Variants in AIG1 observed in about 807,000 individuals in gnomAD.
AIG1 encodes androgen-induced gene 1 protein.
A neutral mutation model predicts 31.4 loss-of-function variants in AIG1; 23 were observed. The ratio of observed to expected loss-of-function variants is 0.73; its 90% confidence interval spans 0.53 to 1.04. The LOEUF (loss-of-function observed/expected upper bound fraction) is 1.04, where lower values mean the gene tolerates loss of function less well. Among genes scored for constraint, AIG1 ranks in the 50% least tolerant of loss-of-function variants. The pLI, the probability that AIG1 is intolerant of heterozygous loss-of-function variation, is 0.00. For synonymous variants in AIG1, 100 were observed against 110.5 expected, an observed-to-expected ratio of 0.90 and a Z score of 0.60; for missense variants, 274 against 295.0, an observed-to-expected ratio of 0.93 and a Z score of 0.52.
At chr6:143,206,246 A>C (rs1486731389) in intron 3 of AIG1, among the ~76,000 whole-genome samples, 1 of 152,228 alleles carries the variant, frequency 6.6e-6, no homozygotes, top group Non-Finnish European at 1.5e-5. Context: ...GTGTTGATGT[A>C]ATTCTGGCAT....
At chr6:143,153,993 A>G (rs1011346711) in intron 2 of AIG1, among the ~76,000 whole-genome samples, 3 of 151,588 alleles carry the variant, frequency 2.0e-5, no homozygotes, top group African/African-American at 7.3e-5. Context: ...GTTCATGCCT[A>G]TAATCCCAGC....
chr6:143,223,822 CTA>C (rs1364014215), intron 3 of AIG1, among the ~76,000 whole-genome samples: 3 of 152,060 alleles, frequency 2.0e-5, no homozygotes, highest in African/African-American at 7.2e-5. Context: ...AACAGAATAA[CTA>C]TTTTTTATAA....
In AIG1 at chr6:143,165,072, T is replaced by C. The variant is rs1786794117; in HGVS notation, c.298-10T>C. On this transcript the variant is annotated splice_polypyrimidine_tract_variant and intron_variant, in intron 2 of 5. Coordinates refer to ENST00000357847, the MANE Select transcript of AIG1 (RefSeq NM_016108.4). ...TGAACTTGAAATAAAAGATTTCTTT[T>C]TCCTTCCAGTTTGTTGTAGCAGTGT... 2 of 1,590,172 alleles carry C rather than the reference T, an allele frequency of 1.3e-6. No homozygotes were observed. The highest frequency in any genetic ancestry group is 4.5e-5 in the East Asian group (2 of 44,726).
intron 1 of AIG1, among the ~76,000 whole-genome samples, chr6:143,117,812 G>A (rs1400871706): frequency 1.3e-5 from 2 of 152,140 alleles, no homozygotes; most frequent in Admixed American, 6.5e-5. Context: ...TAACTATTAT[G>A]CACTTCTGGG....
At position 143,320,653 on chromosome 6, in the gene AIG1, G is replaced by A. The variant is rs114743651; in HGVS notation, c.516-12629G>A. On this transcript the variant is annotated intron_variant, in intron 4 of 5. Transcript: ENST00000357847. ...ATATAAAATAGCCAAAGTCATAGAA[G>A]CAGAGAGTAGAATGGTGGTTACCTG... 4.9e-3 allele frequency among the ~76,000 whole-genome samples: 742 copies of A among 152,210 alleles called. 4 individuals are homozygous for A. Among genetic ancestry groups the A allele is most frequent in the African/African-American group, 0.017 (703 of 41,522 alleles).
chr6:143,215,106 C>T (rs761221899), intron 3 of AIG1, among the ~76,000 whole-genome samples: 3 of 151,628 alleles, frequency 2.0e-5, no homozygotes, highest in South Asian at 2.1e-4. Context: ...GTAGGTGCTC[C>T]GTAGGTCTTG....
At chr6:143,178,607 C>T (rs1010970117) in intron 3 of AIG1, among the ~76,000 whole-genome samples, 7 of 152,158 alleles carry the variant, frequency 4.6e-5, no homozygotes, top group East Asian at 3.9e-4. Context: ...GCTTTGCTTC[C>T]GTGTCTATGC....
intron 2 of AIG1, among the ~76,000 whole-genome samples, chr6:143,154,574 C>T (rs1785543140): frequency 6.6e-6 from 1 of 152,164 alleles, no homozygotes; most frequent in Non-Finnish European, 1.5e-5. Flanking sequence ...CAGAATACTT[C>T]TGTATCTCGA....
chr6:143,330,361 A>G lies in AIG1; in HGVS notation c.516-2921A>G, dbSNP rs1583892734. Among the ~76,000 whole-genome samples the G allele has an allele frequency of 6.6e-6, 1 of 152,278 alleles. No individual in the cohort carries two copies. Among genetic ancestry groups the G allele is most frequent in the East Asian group, 1.9e-4 (1 of 5,170 alleles). ...GGGAAGACATCACTGGAAAGGTGAC[A>G]TTTGAGTGAAAACCCGAAGGACACA... is the stretch of plus-strand genomic sequence containing the variant. On this transcript the variant is annotated intron_variant, in intron 4 of 5. Coordinates refer to ENST00000357847, the MANE Select transcript of AIG1 (RefSeq NM_016108.4). The surrounding 1 kb of genome is among the most constrained non-coding windows in gnomAD (Gnocchi z 4.4).
intron 3 of AIG1, among the ~76,000 whole-genome samples, chr6:143,203,341 A>G (rs1790852093): frequency 6.6e-6 from 1 of 152,182 alleles, no homozygotes; most frequent in Non-Finnish European, 1.5e-5. Flanking sequence ...ATACTCTACT[A>G]TCTCCATGTT....
intron 2 of AIG1, among the ~76,000 whole-genome samples, chr6:143,141,797 A>G (rs1784265859): frequency 6.6e-6 from 1 of 152,332 alleles, no homozygotes; most frequent in Admixed American, 6.5e-5. Flanking sequence ...AATCAGACCA[A>G]GAATGTCTTT....
chr6:143,162,573 A>G (rs2328457), intron 2 of AIG1, among the ~76,000 whole-genome samples: 71,627 of 151,940 alleles, frequency 0.47, 17,412 homozygotes, highest in Admixed American at 0.62. Flanking sequence ...ACCTGTGAAT[A>G]TGATGGGTTG....
chr6:143,337,580 T>G (rs1583915744), intron 5 of AIG1, among the ~76,000 whole-genome samples: 1 of 152,336 alleles, frequency 6.6e-6, no homozygotes, highest in East Asian at 1.9e-4. Context: ...CCAGTCTTAC[T>G]AAAGCTACAT....
intron 3 of AIG1, among the ~76,000 whole-genome samples, chr6:143,270,405 C>T (rs1181232471): frequency 6.6e-6 from 1 of 152,228 alleles, no homozygotes; most frequent in Admixed American, 6.5e-5. Flanking sequence ...TTCTTAGAGG[C>T]CTTTCTCCAC....
At chr6:143,307,955 T>C (rs1799472618) in intron 4 of AIG1, among the ~76,000 whole-genome samples, 1 of 152,226 alleles carries the variant, frequency 6.6e-6, no homozygotes, top group South Asian at 2.1e-4. Context: ...CAGTTTGATC[T>C]CAGACTGCTG....
At chr6:143,162,515 C>T (rs1451777377) in intron 2 of AIG1, among the ~76,000 whole-genome samples, 1 of 152,146 alleles carries the variant, frequency 6.6e-6, no homozygotes, top group African/African-American at 2.4e-5. Context: ...AGATTCCATC[C>T]CCTGCTGCAC....
In AIG1 at chr6:143,268,558, G is replaced by C. The variant is rs1414751042; in HGVS notation, c.400-15552G>C. On this transcript the variant is annotated intron_variant, in intron 3 of 5. Coordinates refer to ENST00000357847, the MANE Select transcript of AIG1 (RefSeq NM_016108.4). This position sits in a 1 kb window ranked among gnomAD's most constrained non-coding sequence, Gnocchi z 5.0. Reference sequence around the variant, plus strand: ...GGGGCTGACTATAGCACCAAAATTAGGTGGTGGTAAGGAATTTAATCATGT... The same window carrying C: ...GGGGCTGACTATAGCACCAAAATTACGTGGTGGTAAGGAATTTAATCATGT... Among the ~76,000 whole-genome samples the C allele has an allele frequency of 6.6e-6, 1 of 152,192 alleles. No individual in the cohort carries two copies. The highest frequency in any genetic ancestry group is 1.9e-4 in the East Asian group (1 of 5,206).
At chr6:143,312,477 A>G (rs946159578) in intron 4 of AIG1, among the ~76,000 whole-genome samples, 2 of 152,168 alleles carry the variant, frequency 1.3e-5, no homozygotes, top group Non-Finnish European at 2.9e-5. Context: ...TCTCTTCAAT[A>G]AATGTTGCTG....
intron 4 of AIG1, among the ~76,000 whole-genome samples, chr6:143,303,565 G>A (rs376497611): frequency 6.6e-6 from 1 of 151,960 alleles, no homozygotes; most frequent in Non-Finnish European, 1.5e-5. Flanking sequence ...TGAGGGCTCT[G>A]TTCTGTTCCA....
Sources: gnomAD v4.1 joint callset for allele counts (sites outside exome capture counted in the v4.1 genomes callset) on GRCh38, gnomAD v4.1.1 for gene constraint, Gnocchi (gnomAD v3.1) non-coding constraint, MANE v1.5 for transcripts, NCBI Gene and HGNC (gene_info 2026-07-23, HGNC 2026-07-21) for gene names.